Variants in NAV2 observed in about 807,000 individuals in gnomAD.
NAV2 encodes the protein neuron navigator 2, also known as helicase, APC down-regulated 1.
A neutral mutation model predicts 223.2 loss-of-function variants in NAV2; 54 were observed. The observed-to-expected ratio is 0.24, with a 90% CI of 0.19 to 0.30. NAV2 has a LOEUF of 0.30. Among genes scored for constraint, NAV2 ranks in the 10% least tolerant of loss-of-function variants. The pLI is 1.00. For synonymous variants in NAV2, 1,279 were observed against 1,239.3 expected (o/e 1.03, Z -0.67); for missense variants, 2,806 against 3,147.5 (o/e 0.89, Z 2.60).
chr11:19,445,108 G>T (rs574770857), intron 1 of NAV2, among the ~76,000 whole-genome samples: 1 of 152,318 alleles, frequency 6.6e-6, no homozygotes, highest in Admixed American at 6.5e-5. Context: ...GTGGACTGTG[G>T]TCTGGTCCTG....
intron 1 of NAV2, among the ~76,000 whole-genome samples, chr11:19,631,541 C>T (rs1028956555): frequency 6.6e-6 from 1 of 152,210 alleles, no homozygotes; most frequent in African/African-American, 2.4e-5. Context: ...GAGTCACTGA[C>T]TACCTTTCCC....
chr11:19,660,540 A>G (rs1406015769), intron 1 of NAV2, among the ~76,000 whole-genome samples: 2 of 152,136 alleles, frequency 1.3e-5, no homozygotes, highest in African/African-American at 4.8e-5. Flanking sequence ...GAGGGGGAGA[A>G]GCCACCTGGA....
chr11:20,041,343 T>C (rs1192903000), intron 12 of NAV2, among the ~76,000 whole-genome samples: 1 of 152,234 alleles, frequency 6.6e-6, no homozygotes, highest in Admixed American at 6.5e-5. Flanking sequence ...AGTTTTGTCA[T>C]GTAAAATTGA....
intron 6 of NAV2, among the ~76,000 whole-genome samples, chr11:19,929,865 C>T (rs1435773126): frequency 6.6e-6 from 1 of 152,154 alleles, no homozygotes; most frequent in Non-Finnish European, 1.5e-5. Context: ...AGGGGAATAA[C>T]TGACCTATAG....
intron 1 of NAV2, among the ~76,000 whole-genome samples, chr11:19,816,454 T>C (rs2059094848): frequency 6.6e-6 from 1 of 152,252 alleles, no homozygotes; most frequent in Admixed American, 6.5e-5. Flanking sequence ...TGTACCTTCC[T>C]TCACCCCTCT....
chr11:19,755,639 A>G (rs2054174498), intron 1 of NAV2, among the ~76,000 whole-genome samples: 1 of 152,114 alleles, frequency 6.6e-6, no homozygotes, highest in Non-Finnish European at 1.5e-5. Context: ...TGGTTTGTAG[A>G]TGCATCACTC....
rs571666769 is a variant in NAV2, at chr11:19,491,160, G to C, written c.75+140133G>C. Among the ~76,000 whole-genome samples the C allele has an allele frequency of 2.6e-5, 4 of 152,164 alleles. No homozygotes were observed. In the East Asian group the frequency reaches 5.8e-4, roughly 22 times the overall value. On this transcript the variant is annotated intron_variant, in intron 1 of 37. Transcript: ENST00000360655. Reference sequence around the variant, plus strand: ...GCAGTAGATGTAGTGTAATCCTTAAGGGCCCTAGGATTTTCAGGGTAGTAA... The same window carrying C: ...GCAGTAGATGTAGTGTAATCCTTAACGGCCCTAGGATTTTCAGGGTAGTAA...
In NAV2 at chr11:19,713,347, G is replaced by C; in HGVS notation, c.-349G>C. 1 of 1,125,384 alleles carries C rather than the reference G, an allele frequency of 8.9e-7. No homozygotes were observed. Among genetic ancestry groups the C allele is most frequent in the Non-Finnish European group, 1.1e-6 (1 of 921,484 alleles). The allele number at this position is 1,125,384 out of a possible 1,614,324, so 69.7% of individuals were successfully genotyped here. On this transcript the variant is annotated 5_prime_UTR_variant, in exon 1 of 38. Coordinates refer to ENST00000349880, the MANE Select transcript of NAV2 (RefSeq NM_145117.5). This position sits in a 1 kb window ranked among gnomAD's most constrained non-coding sequence, Gnocchi z 7.2. The stretch of plus-strand genomic sequence containing the variant: ...GATGCAGTGACAAGTTAATATGGGC[G>C]TCCAAGCCTCTGTTTCCCAGGAGGA...
chr11:19,831,450 C>A (rs1291640652), intron 1 of NAV2, among the ~76,000 whole-genome samples: 1 of 151,900 alleles, frequency 6.6e-6, no homozygotes, highest in Non-Finnish European at 1.5e-5. Flanking sequence ...TGTCACTAAC[C>A]AGTTGAGGCA....
intron 1 of NAV2, among the ~76,000 whole-genome samples, chr11:19,617,290 G>T (rs748067612): frequency 6.6e-6 from 1 of 152,190 alleles, no homozygotes; most frequent in Non-Finnish European, 1.5e-5. Flanking sequence ...TTAGGTGGGT[G>T]TTAGGAGGAC....
At chr11:19,614,157 A>G (rs915163690) in intron 1 of NAV2, among the ~76,000 whole-genome samples, 2 of 152,156 alleles carry the variant, frequency 1.3e-5, no homozygotes, top group African/African-American at 4.8e-5. Context: ...CTGGCAGCAC[A>G]ACTTTCTTAA....
intron 1 of NAV2, among the ~76,000 whole-genome samples, chr11:19,549,459 C>A (rs915104018): frequency 6.6e-6 from 1 of 152,162 alleles, no homozygotes; most frequent in African/African-American, 2.4e-5. Flanking sequence ...TCCTCAGGAG[C>A]TTGAGGGTTC....
chr11:20,101,220 C>A, intron 32 of NAV2, 48 bp downstream of exon 32: 1 of 1,383,858 alleles, frequency 7.2e-7, no homozygotes, highest in African/African-American at 1.4e-5. Context: ...CCTTTCAAAA[C>A]TGATGATATC....
chr11:19,664,178 T>C (rs1301740966), intron 1 of NAV2, among the ~76,000 whole-genome samples: 1 of 152,270 alleles, frequency 6.6e-6, no homozygotes, highest in African/African-American at 2.4e-5. Flanking sequence ...CAGAACTTGA[T>C]AGATAGGCCT....
chr11:19,723,207 G>C (rs1170147088), intron 1 of NAV2, among the ~76,000 whole-genome samples: 4 of 152,212 alleles, frequency 2.6e-5, no homozygotes, highest in African/African-American at 9.7e-5. Flanking sequence ...TTCCAGGAAT[G>C]ATGATCACAG....
intron 10 of NAV2, among the ~76,000 whole-genome samples, chr11:19,970,560 A>G (rs1398787211): frequency 2.0e-5 from 3 of 152,182 alleles, no homozygotes; most frequent in Admixed American, 1.3e-4. Context: ...AGTTATAGGG[A>G]CTGGGGATTT....
intron 6 of NAV2, among the ~76,000 whole-genome samples, chr11:19,893,882 G>C (rs562121835): frequency 1.0e-3 from 153 of 152,206 alleles, no homozygotes; most frequent in African/African-American, 3.6e-3. Flanking sequence ...TGTTTTTTAA[G>C]TGTGCTTAGG....
intron 6 of NAV2, among the ~76,000 whole-genome samples, chr11:19,902,327 A>T (rs753706502): frequency 6.6e-6 from 1 of 152,206 alleles, no homozygotes; most frequent in South Asian, 2.1e-4. Flanking sequence ...AATGTGTGAA[A>T]CTAATAACCT....
rs1235904459 is a variant in NAV2, at chr11:20,092,816, AT to A, written c.5816-277del. Among the ~76,000 whole-genome samples, 5 of 152,074 alleles carry A rather than the reference AT, an allele frequency of 3.3e-5. No homozygotes were observed. In the South Asian group the frequency reaches 1.0e-3, roughly 32 times the overall value. ...TAAGCGTATTAAGGCTGATGCTTTTATTTTTTATCCATGATGCTGCTGCTGT... is the reference window on the plus strand; with the variant it reads ...TAAGCGTATTAAGGCTGATGCTTTTATTTTTATCCATGATGCTGCTGCTGT... On this transcript the variant is annotated intron_variant, in intron 28 of 37. Coordinates refer to ENST00000349880, the MANE Select transcript of NAV2 (RefSeq NM_145117.5).
Sources: gnomAD v4.1 joint callset for allele counts (sites outside exome capture counted in the v4.1 genomes callset) on GRCh38, gnomAD v4.1.1 for gene constraint, Gnocchi (gnomAD v3.1) non-coding constraint, MANE v1.5 for transcripts, NCBI Gene and HGNC (gene_info 2026-07-23, HGNC 2026-07-21) for gene names.